TBC1D22B: variants seen among roughly 807,000 people sequenced by gnomAD.
TBC1D22B encodes the protein TBC1 domain family member 22B.
In TBC1D22B, 32 loss-of-function variants were observed where a neutral mutation model predicts 69.1. The ratio of observed to expected loss-of-function variants is 0.46; its 90% CI spans 0.35 to 0.62. The LOEUF (loss-of-function observed/expected upper bound fraction) is 0.62, where lower values mean the gene tolerates loss of function less well. Among genes scored for constraint, TBC1D22B ranks in the 20% least tolerant of loss-of-function variants. TBC1D22B has a pLI of 0.00. For synonymous variants in TBC1D22B, 206 were observed against 229.8 expected (o/e 0.90, Z 0.94); for missense variants, 462 against 630.9 (o/e 0.73, Z 2.87).
Position 37,316,759 on chromosome 6 carries a change from C to T in TBC1D22B, c.1222C>T (p.Arg408Cys), listed in dbSNP as rs1768094855. 14 of 1,614,068 alleles carry T rather than the reference C, an allele frequency of 8.7e-6. No homozygotes were observed. The highest frequency in any genetic ancestry group is 1.3e-5 in the African/African-American group (1 of 74,920). ...YEVEYLQFAF[R>C]WMNNLLMREL... The stretch of plus-strand genomic sequence containing the variant: ...GGTAGAATACCTGCAGTTTGCCTTC[C>T]GCTGGATGAACAACCTGCTTATGCG... The change falls in exon 11 of 13, where the codon CGC becomes TGC. Residue 408 changes from arginine to cysteine, a missense_variant. By Grantham distance (180) the Arg-to-Cys change is radical (BLOSUM62 -3). Transcript: ENST00000373491.
intron 1 of TBC1D22B, among the ~76,000 whole-genome samples, chr6:37,261,938 T>C (rs1377027614): frequency 8.6e-6 from 1 of 115,608 alleles, no homozygotes; most frequent in Non-Finnish European, 1.7e-5. Context: ...TAAAAAAGCT[T>C]TGGTCAGTGT....
chr6:37,265,786 A>G (rs956567982), intron 1 of TBC1D22B, among the ~76,000 whole-genome samples: 2 of 152,240 alleles, frequency 1.3e-5, no homozygotes, highest in African/African-American at 4.8e-5. Flanking sequence ...TAGGGACTGT[A>G]TTCATAAATT....
intron 4 of TBC1D22B, among the ~76,000 whole-genome samples, chr6:37,282,601 G>A (rs1583542050): frequency 1.3e-5 from 2 of 152,168 alleles, no homozygotes; most frequent in East Asian, 3.8e-4. Context: ...TTCTGACTTT[G>A]GTCTTCCTTA....
intron 1 of TBC1D22B, among the ~76,000 whole-genome samples, chr6:37,266,220 A>C (rs1766265563): frequency 6.6e-6 from 1 of 152,172 alleles, no homozygotes; most frequent in Non-Finnish European, 1.5e-5. Flanking sequence ...AGTGAAAACT[A>C]AGTCTCTTTG....
At chr6:37,327,804 G>A (rs897115336) in intron 12 of TBC1D22B, among the ~76,000 whole-genome samples, 29 of 152,130 alleles carry the variant, frequency 1.9e-4, no homozygotes, top group African/African-American at 6.3e-4. Flanking sequence ...ACCATGGAGG[G>A]GAGAGTGGGG....
intron 8 of TBC1D22B, among the ~76,000 whole-genome samples, chr6:37,299,674 T>C (rs1033194836): frequency 6.6e-6 from 1 of 152,166 alleles, no homozygotes; most frequent in Non-Finnish European, 1.5e-5. Flanking sequence ...TTTTTGGATT[T>C]GGTATCTTGC....
rs1395458980 is a variant in TBC1D22B, at chr6:37,258,172, C to A, written c.56+199C>A. 10 of 589,850 alleles carry A rather than the reference C, an allele frequency of 1.7e-5. No homozygotes were observed. The Admixed American group carries it at 3.4e-4, about 20-fold the overall frequency. 36.5% of individuals were successfully genotyped at this position (589,850 alleles called of 1,614,324 possible). ...GGGGACGGCTGGATGTGGGTGTAGA[C>A]CGGGGTCTGGGGGCGGAGGTTTCAG... On this transcript the variant is annotated intron_variant, in intron 1 of 12. Transcript: ENST00000373491.
rs1387620367 is a variant in TBC1D22B, at chr6:37,257,802, A to T, written c.-116A>T. 3.5e-6 allele frequency: 4 copies of T among 1,141,484 alleles called. No individual in the cohort carries two copies. The African/African-American group carries it at 6.2e-5, about 18-fold the overall frequency. 70.7% of individuals were successfully genotyped at this position (1,141,484 alleles called of 1,614,324 possible). On this transcript the variant is annotated 5_prime_UTR_variant, in exon 1 of 13. Coordinates refer to ENST00000373491, the MANE Select transcript of TBC1D22B (RefSeq NM_017772.4). ...CAAGATGGCGTCCCCAGGAGCTGGG[A>T]GCGGGTGACCGGCGGCGGGGAAGCG... is the stretch of plus-strand genomic sequence containing the variant.
At chr6:37,284,534 T>G in intron 6 of TBC1D22B, 70 bp downstream of exon 6, 1 of 1,476,402 alleles carries the variant, frequency 6.8e-7, no homozygotes, top group Non-Finnish European at 9.0e-7. Flanking sequence ...GGTAGTGCTC[T>G]CAGGGTACAG....
At chr6:37,309,594 G>A (rs1049243412) in intron 8 of TBC1D22B, among the ~76,000 whole-genome samples, 3 of 152,162 alleles carry the variant, frequency 2.0e-5, no homozygotes, top group Non-Finnish European at 1.5e-5. Context: ...TGCTGCCTAG[G>A]ATGGATTAGA....
intron 8 of TBC1D22B, among the ~76,000 whole-genome samples, chr6:37,310,738 C>G (rs369050909): frequency 6.6e-6 from 1 of 152,222 alleles, no homozygotes. Context: ...TTTCTGCAAG[C>G]TTAGTGTTGT....
Position 37,257,859 on chromosome 6 carries a change from G to A in TBC1D22B, c.-59G>A. On this transcript the variant is annotated 5_prime_UTR_variant, in exon 1 of 13. Coordinates refer to ENST00000373491, the MANE Select transcript of TBC1D22B (RefSeq NM_017772.4). ...GTTGGCCCTCAGATTGCGGGGTCTG[G>A]GGGCATCTCGCCGGGCAAACCCTTG... 1 of 1,580,326 alleles carries A rather than the reference G, an allele frequency of 6.3e-7. No individual in the cohort carries two copies. Among genetic ancestry groups the A allele is most frequent in the Non-Finnish European group, 8.6e-7 (1 of 1,159,918 alleles).
intron 2 of TBC1D22B, among the ~76,000 whole-genome samples, chr6:37,278,752 A>G (rs1422010484): frequency 6.6e-6 from 1 of 152,176 alleles, no homozygotes; most frequent in Non-Finnish European, 1.5e-5. Context: ...CAACATAGTG[A>G]AACCTTGTGT....
Position 37,269,587 on chromosome 6 carries a change from C to A in TBC1D22B, c.57-7C>A, listed in dbSNP as rs1766416411. On this transcript the variant is annotated splice_polypyrimidine_tract_variant and splice_region_variant and intron_variant, in intron 1 of 12. Transcript: ENST00000373491. The stretch of plus-strand genomic sequence containing the variant: ...TAACTATTTCTTCCTTTTGTTTTTG[C>A]TTTTAGCATTCAGCCTGTATATGGA... 1 of 1,613,806 alleles carries A rather than the reference C, an allele frequency of 6.2e-7. No homozygotes were observed. Among genetic ancestry groups the A allele is most frequent in the Admixed American group, 1.7e-5 (1 of 59,960 alleles).
chr6:37,298,946 G>A (rs1767479784), intron 8 of TBC1D22B, among the ~76,000 whole-genome samples: 1 of 152,206 alleles, frequency 6.6e-6, no homozygotes, highest in Admixed American at 6.5e-5. Context: ...CTCTGAAAGA[G>A]TCCTAGAAGT....
At chr6:37,326,745 G>A (rs1398290126) in intron 12 of TBC1D22B, among the ~76,000 whole-genome samples, 6 of 152,140 alleles carry the variant, frequency 3.9e-5, no homozygotes, top group Non-Finnish European at 8.8e-5. Flanking sequence ...CCAAGATCAT[G>A]CCACTGCACT....
chr6:37,302,418 G>C (rs1398890590), intron 8 of TBC1D22B, among the ~76,000 whole-genome samples: 1 of 152,176 alleles, frequency 6.6e-6, no homozygotes, highest in East Asian at 1.9e-4. Flanking sequence ...TATTAGTCTA[G>C]CTCTGAACTA....
intron 2 of TBC1D22B, among the ~76,000 whole-genome samples, chr6:37,273,698 C>T (rs189051071): frequency 1.8e-4 from 27 of 152,254 alleles, no homozygotes; most frequent in Admixed American, 1.4e-3. Flanking sequence ...AATTGGTTCC[C>T]TTTTTCATGT....
chr6:37,258,435 G>T (rs993558245), intron 1 of TBC1D22B, among the ~76,000 whole-genome samples: 2 of 152,066 alleles, frequency 1.3e-5, no homozygotes, highest in African/African-American at 4.8e-5. Flanking sequence ...GGGAGTTTGG[G>T]GCCGCCTGCC....
Sources: gnomAD v4.1 joint callset for allele counts (sites outside exome capture counted in the v4.1 genomes callset) on GRCh38, gnomAD v4.1.1 for gene constraint, MANE v1.5 for transcripts, NCBI Gene and HGNC (gene_info 2026-07-23, HGNC 2026-07-21) for gene names.